Variants in MAGI1 observed in about 807,000 individuals in gnomAD.
The protein encoded by MAGI1 is membrane associated guanylate kinase, WW and PDZ domain containing 1.
Under a neutral mutation model 139.9 loss-of-function variants are expected in MAGI1, and 58 were observed. The observed-to-expected ratio is 0.41, with a 90% confidence interval of 0.34 to 0.52. MAGI1 has a LOEUF of 0.52. Among genes scored for constraint, MAGI1 ranks in the 20% least tolerant of loss-of-function variants. The pLI is 0.12. For missense variants in MAGI1, 1,874 were observed against 1,901.6 expected, an observed-to-expected ratio of 0.99 and a Z score of 0.27; for synonymous variants, 812 against 737.9, an observed-to-expected ratio of 1.10 and a Z score of -1.63.
At chr3:65,910,484 T>A (rs1032890114) in intron 1 of MAGI1, among the ~76,000 whole-genome samples, 1 of 152,156 alleles carries the variant, frequency 6.6e-6, no homozygotes, top group African/African-American at 2.4e-5. Context: ...TACGCCACCA[T>A]TGCAAATGGC....
intron 5 of MAGI1, among the ~76,000 whole-genome samples, chr3:65,465,326 GT>G (rs905632682): frequency 1.3e-5 from 2 of 149,706 alleles, no homozygotes; most frequent in Non-Finnish European, 1.5e-5. Flanking sequence ...TTTCCTCATT[GT>G]TTTTGTTGGT....
At chr3:65,510,282 C>G (rs1028397983) in intron 2 of MAGI1, among the ~76,000 whole-genome samples, 1 of 152,186 alleles carries the variant, frequency 6.6e-6, no homozygotes, top group Non-Finnish European at 1.5e-5. Flanking sequence ...TCCTCACCAG[C>G]AACGGAACAA....
intron 1 of MAGI1, among the ~76,000 whole-genome samples, chr3:65,659,627 G>A (rs928009831): frequency 5.9e-5 from 9 of 152,064 alleles, no homozygotes; most frequent in South Asian, 2.1e-4. Context: ...CAAACCCCAC[G>A]GCATGACTTT....
intron 22 of MAGI1, chr3:65,360,087 C>T (rs1417760190): frequency 4.1e-6 from 4 of 985,230 alleles, no homozygotes; most frequent in Non-Finnish European, 4.8e-6. Flanking sequence ...TATTTTGCAC[C>T]TGTACAAATG....
At chr3:65,531,367 AAT>A (rs1403043095) in intron 2 of MAGI1, among the ~76,000 whole-genome samples, 2 of 152,128 alleles carry the variant, frequency 1.3e-5, no homozygotes, top group Admixed American at 1.3e-4. Flanking sequence ...GTGCATGCCT[AAT>A]ACATTATCGT....
intron 3 of MAGI1, among the ~76,000 whole-genome samples, chr3:65,489,850 T>C (rs1951879833): frequency 6.6e-6 from 1 of 152,222 alleles, no homozygotes. Context: ...TTAGCTAGTT[T>C]TAAGGCTTTT....
intron 1 of MAGI1, among the ~76,000 whole-genome samples, chr3:65,690,339 C>T (rs1055532462): frequency 1.7e-4 from 26 of 152,200 alleles, no homozygotes; most frequent in Admixed American, 9.8e-4. Flanking sequence ...TACACTGTCA[C>T]ACTGTTATTG....
intron 1 of MAGI1, among the ~76,000 whole-genome samples, chr3:65,719,449 T>C (rs1448162424): frequency 2.6e-5 from 4 of 152,046 alleles, no homozygotes; most frequent in Middle Eastern, 3.2e-3. Context: ...ACATCATACA[T>C]TGTGAACACT....
chr3:65,925,643 T>C (rs2062461400), intron 1 of MAGI1, among the ~76,000 whole-genome samples: 1 of 152,134 alleles, frequency 6.6e-6, no homozygotes. Context: ...CTCAAAAAAA[T>C]AGTAATAGCT....
rs148802435 is a variant in MAGI1 at position 65,508,265 on chromosome 3, G to A, written c.431-14634C>T. On this transcript the variant is annotated intron_variant, in intron 2 of 22. Coordinates refer to ENST00000402939, the MANE Select transcript of MAGI1 (RefSeq NM_001033057.2). ...AAAAATACGAAAAAGTTAGCCGGGC[G>A]TGGCAGTGGGCGCCTGTAGTCCCAG... 1.7e-4 allele frequency among the ~76,000 whole-genome samples: 26 copies of A among 152,128 alleles called. 1 individual carries two copies. Among genetic ancestry groups the A allele is most frequent in the African/African-American group, 4.6e-4 (19 of 41,500 alleles).
At chr3:65,984,684 C>T (rs899621808) in intron 1 of MAGI1, among the ~76,000 whole-genome samples, 1 of 148,036 alleles carries the variant, frequency 6.8e-6, no homozygotes, top group Non-Finnish European at 1.5e-5. Context: ...CACAGGCATG[C>T]ACCACCATGC....
intron 2 of MAGI1, among the ~76,000 whole-genome samples, chr3:65,551,346 G>A (rs2079821692): frequency 6.6e-6 from 1 of 152,102 alleles, no homozygotes; most frequent in Admixed American, 6.5e-5. Flanking sequence ...GGTCACCCAG[G>A]CTGGAGTGCA....
At chr3:66,024,523 C>G (rs184861305) in intron 1 of MAGI1, among the ~76,000 whole-genome samples, 2 of 150,760 alleles carry the variant, frequency 1.3e-5, no homozygotes, top group East Asian at 3.9e-4. Flanking sequence ...TACTCAGTAT[C>G]CAGCCGGGCG....
chr3:65,748,076 T>C (rs2035848446), intron 1 of MAGI1, among the ~76,000 whole-genome samples: 1 of 152,168 alleles, frequency 6.6e-6, no homozygotes, highest in Non-Finnish European at 1.5e-5. Flanking sequence ...AAACTGATGA[T>C]AGCTAAGAGG....
At chr3:65,365,318 A>G (rs913474925) in intron 18 of MAGI1, 5 of 408,554 alleles carry the variant, frequency 1.2e-5, no homozygotes, top group East Asian at 1.2e-4. Flanking sequence ...CCAGAACTTT[A>G]AAGTCTGATA....
intron 1 of MAGI1, among the ~76,000 whole-genome samples, chr3:66,011,196 A>C (rs1405884511): frequency 6.6e-6 from 1 of 152,220 alleles, no homozygotes; most frequent in Non-Finnish European, 1.5e-5. Context: ...AATTCAGCTA[A>C]CTTCAAGGGT....
intron 1 of MAGI1, among the ~76,000 whole-genome samples, chr3:65,978,283 C>T (rs745313243): frequency 1.3e-5 from 2 of 152,190 alleles, no homozygotes; most frequent in Non-Finnish European, 2.9e-5. Flanking sequence ...GTCCAAGACA[C>T]ACAACCACTA....
chr3:65,865,062 T>G (rs564999903), intron 1 of MAGI1, among the ~76,000 whole-genome samples: 1 of 152,148 alleles, frequency 6.6e-6, no homozygotes, highest in African/African-American at 2.4e-5. Flanking sequence ...CTCTTCAATA[T>G]TGTAGATATG....
chr3:65,907,927 C>A (rs570613390), intron 1 of MAGI1, among the ~76,000 whole-genome samples: 1 of 152,254 alleles, frequency 6.6e-6, no homozygotes, highest in African/African-American at 2.4e-5. Context: ...CACGTGTTAC[C>A]CCGGCTCCAT....
Sources: gnomAD v4.1 joint callset for allele counts (sites outside exome capture counted in the v4.1 genomes callset) on GRCh38, gnomAD v4.1.1 for gene constraint, MANE v1.5 for transcripts, NCBI Gene and HGNC (gene_info 2026-07-23, HGNC 2026-07-21) for gene names.